Variants in CNTN5 observed in about 807,000 individuals in gnomAD.
CNTN5 encodes the protein contactin-5.
In CNTN5, 77 loss-of-function variants were observed where a neutral mutation model predicts 129.1. The ratio of observed to expected loss-of-function variants is 0.60; its 90% CI spans 0.50 to 0.72. CNTN5 has a LOEUF of 0.72. Ranked by LOEUF, CNTN5 falls within the 30% of genes least tolerant of loss-of-function variation. The pLI, the probability that CNTN5 is intolerant of heterozygous loss-of-function variation, is 0.00. For missense variants in CNTN5, 1,478 were observed against 1,328.8 expected, an observed-to-expected ratio of 1.11 and a Z score of -1.75; for synonymous variants, 509 against 465.6, an observed-to-expected ratio of 1.09 and a Z score of -1.20.
chr11:99,987,540 T>C (rs1453070580), intron 8 of CNTN5, among the ~76,000 whole-genome samples: 46 of 136,538 alleles, frequency 3.4e-4, no homozygotes, highest in Middle Eastern at 3.8e-3. Flanking sequence ...TATATATATA[T>C]ATACACATAC....
chr11:99,678,390 A>T (rs1303755721), intron 3 of CNTN5, among the ~76,000 whole-genome samples: 1 of 152,170 alleles, frequency 6.6e-6, no homozygotes, highest in Non-Finnish European at 1.5e-5. Flanking sequence ...TCATTGCAAC[A>T]TATGTTTAAA....
chr11:99,947,885 G>A (rs907283602), intron 7 of CNTN5, among the ~76,000 whole-genome samples: 1 of 148,562 alleles, frequency 6.7e-6, no homozygotes. Flanking sequence ...GTGAAAAAAT[G>A]TTGAGTGTTT....
chr11:99,292,280 A>G (rs1864202943), intron 1 of CNTN5, among the ~76,000 whole-genome samples: 1 of 151,614 alleles, frequency 6.6e-6, no homozygotes, highest in African/African-American at 2.4e-5. Context: ...AAAAACTTCC[A>G]CATTAATAGT....
intron 9 of CNTN5, among the ~76,000 whole-genome samples, chr11:100,011,447 C>G (rs1393903889): frequency 6.6e-6 from 1 of 152,066 alleles, no homozygotes; most frequent in Admixed American, 6.6e-5. Flanking sequence ...CTTTTTTTCT[C>G]TCTTTTTAAA....
intron 23 of CNTN5, among the ~76,000 whole-genome samples, chr11:100,344,471 G>A (rs1952235651): frequency 1.3e-5 from 2 of 152,066 alleles, no homozygotes; most frequent in Admixed American, 1.3e-4. Context: ...AGAGACTGGT[G>A]GTTATCAGAG....
chr11:99,904,935 G>T (rs1209747503), intron 6 of CNTN5, among the ~76,000 whole-genome samples: 1 of 152,182 alleles, frequency 6.6e-6, no homozygotes, highest in Non-Finnish European at 1.5e-5. Flanking sequence ...CTGCATAAAT[G>T]TCTTCTTTTG....
At chr11:100,147,551 C>T (rs937614671) in intron 13 of CNTN5, among the ~76,000 whole-genome samples, 9 of 151,992 alleles carry the variant, frequency 5.9e-5, no homozygotes, top group African/African-American at 1.5e-4. Context: ...TCGGAAGCCG[C>T]GATTTATACA....
At chr11:99,950,529 A>C (rs2136146077) in intron 7 of CNTN5, among the ~76,000 whole-genome samples, 1 of 152,302 alleles carries the variant, frequency 6.6e-6, no homozygotes, top group Non-Finnish European at 1.5e-5. Flanking sequence ...CTTGGTACTA[A>C]CCAAGAGTCA....
chr11:99,763,664 C>T (rs566645706), intron 3 of CNTN5, among the ~76,000 whole-genome samples: 1 of 152,144 alleles, frequency 6.6e-6, no homozygotes, highest in East Asian at 1.9e-4. Flanking sequence ...TACAATTTTA[C>T]ATTCGATTTA....
chr11:99,187,666 A>G (rs1330491307), intron 1 of CNTN5, among the ~76,000 whole-genome samples: 2 of 151,908 alleles, frequency 1.3e-5, no homozygotes, highest in African/African-American at 2.4e-5. Context: ...AACTATATGT[A>G]TGAAGATCTG....
chr11:99,550,047 A>G (rs1040287654), intron 2 of CNTN5, among the ~76,000 whole-genome samples: 2 of 152,110 alleles, frequency 1.3e-5, no homozygotes, highest in African/African-American at 4.8e-5. Context: ...AAATGTTTAT[A>G]TTTAAAAGAG....
chr11:99,250,693 A>T (rs1173484253), intron 1 of CNTN5, among the ~76,000 whole-genome samples: 1 of 151,880 alleles, frequency 6.6e-6, no homozygotes. Context: ...GTTTCCATAG[A>T]TGACTGATTA....
chr11:99,054,269 T>C (rs1591112343), intron 1 of CNTN5, among the ~76,000 whole-genome samples: 1 of 151,748 alleles, frequency 6.6e-6, no homozygotes, highest in African/African-American at 2.4e-5. Context: ...TGGGTGGCTG[T>C]TTGAAGAGAA....
chr11:99,209,646 A>G (rs1198734293), intron 1 of CNTN5, among the ~76,000 whole-genome samples: 1 of 152,172 alleles, frequency 6.6e-6, no homozygotes, highest in Non-Finnish European at 1.5e-5. Context: ...CCATATCAAC[A>G]TATTTATTCA....
At chr11:99,165,392 G>C (rs1408108503) in intron 1 of CNTN5, among the ~76,000 whole-genome samples, 1 of 152,098 alleles carries the variant, frequency 6.6e-6, no homozygotes, top group Non-Finnish European at 1.5e-5. Flanking sequence ...ATCAAATTTG[G>C]CATGTCAGGC....
intron 6 of CNTN5, among the ~76,000 whole-genome samples, chr11:99,915,233 A>G (rs1271146029): frequency 1.3e-5 from 2 of 152,092 alleles, no homozygotes; most frequent in Non-Finnish European, 2.9e-5. Context: ...CCCAGGAAAA[A>G]GGAAAGGAGC....
At chr11:100,116,261 A>G (rs1356075707) in intron 13 of CNTN5, among the ~76,000 whole-genome samples, 1 of 152,084 alleles carries the variant, frequency 6.6e-6, no homozygotes, top group African/African-American at 2.4e-5. Context: ...CAGCAGTTTT[A>G]TATAAAAGAG....
intron 3 of CNTN5, among the ~76,000 whole-genome samples, chr11:99,757,310 AATT>A (rs1037100324): frequency 2.6e-5 from 4 of 151,892 alleles, no homozygotes; most frequent in African/African-American, 9.7e-5. Flanking sequence ...CACCCTAATT[AATT>A]ATAAGTTCAT....
intron 14 of CNTN5, among the ~76,000 whole-genome samples, chr11:100,192,468 G>A (rs1255813139): frequency 6.6e-6 from 1 of 151,930 alleles, no homozygotes; most frequent in Non-Finnish European, 1.5e-5. Flanking sequence ...AGAAGGACAT[G>A]GAACATTAAA....
Sources: gnomAD v4.1 joint callset for allele counts (sites outside exome capture counted in the v4.1 genomes callset) on GRCh38, gnomAD v4.1.1 for gene constraint, MANE v1.5 for transcripts, NCBI Gene and HGNC (gene_info 2026-07-23, HGNC 2026-07-21) for gene names.